Variants in PRR16 observed in about 807,000 individuals in gnomAD.
PRR16 encodes proline rich 16.
PRR16 carries 6 observed loss-of-function variants against 18.2 expected under a neutral mutation model. That is an observed-to-expected ratio of 0.33 (90% CI 0.18 to 0.65). PRR16 has a LOEUF of 0.65. PRR16 is among the 30% of genes least tolerant of loss of function. PRR16 has a pLI of 0.74. For synonymous variants in PRR16, 151 were observed against 147.8 expected (o/e 1.02, Z -0.16); for missense variants, 412 against 376.6 (o/e 1.09, Z -0.78).
chr5:120,608,940 A>G (rs1309007866), intron 1 of PRR16, among the ~76,000 whole-genome samples: 1 of 152,172 alleles, frequency 6.6e-6, no homozygotes, highest in Non-Finnish European at 1.5e-5. Flanking sequence ...AGGTGTCCCA[A>G]AGAGGGTTTC....
chr5:120,600,844 T>G (rs1753958339), intron 1 of PRR16, among the ~76,000 whole-genome samples: 1 of 151,926 alleles, frequency 6.6e-6, no homozygotes, highest in Admixed American at 6.6e-5. Context: ...TCTGTTCCTG[T>G]GTTAATTTGC....
intron 1 of PRR16, among the ~76,000 whole-genome samples, chr5:120,685,076 A>T (rs1305571028): frequency 6.6e-6 from 1 of 152,124 alleles, no homozygotes; most frequent in South Asian, 2.1e-4. Flanking sequence ...TTTTGCTTCT[A>T]CCCTCTCTCA....
chr5:120,535,272 G>A (rs1255633375), intron 1 of PRR16, among the ~76,000 whole-genome samples: 1 of 152,116 alleles, frequency 6.6e-6, no homozygotes, highest in Non-Finnish European at 1.5e-5. Flanking sequence ...AAGGTTTTTA[G>A]TCACAAAGAA....
Position 120,477,833 on chromosome 5 carries a change from C to T in PRR16, c.159+13188C>T, listed in dbSNP as rs1156269137. ...TAGTCGGCTGTTACAGGAACAAAGG[C>T]GCTATGTACATTTTCACGCCTATAT... On this transcript the variant is annotated intron_variant, in intron 1 of 1. Transcript: ENST00000407149. Among the ~76,000 whole-genome samples the T allele has an allele frequency of 5.3e-5, 8 of 152,102 alleles. No homozygotes were observed. The East Asian group carries it at 1.4e-3, about 26-fold the overall frequency.
the PRR16 span, among the ~76,000 whole-genome samples, chr5:120,788,260 CA>C: frequency 6.6e-6 from 1 of 151,912 alleles, no homozygotes; most frequent in Non-Finnish European, 1.5e-5. Flanking sequence ...GAGTAGTACA[CA>C]GTAGGTGATG....
intron 1 of PRR16, among the ~76,000 whole-genome samples, chr5:120,614,913 G>A (rs190004575): frequency 4.1e-4 from 63 of 152,208 alleles, no homozygotes; most frequent in African/African-American, 1.4e-3. Flanking sequence ...TGTATTGCCC[G>A]GAGAATATCT....
chr5:120,735,027 T>G, the PRR16 span, among the ~76,000 whole-genome samples: 1 of 152,198 alleles, frequency 6.6e-6, no homozygotes, highest in Non-Finnish European at 1.5e-5. Flanking sequence ...CATTTCATCA[T>G]TACCCTAGCT....
chr5:120,535,579 C>T (rs892690569), intron 1 of PRR16, among the ~76,000 whole-genome samples: 1 of 149,212 alleles, frequency 6.7e-6, no homozygotes, highest in Non-Finnish European at 1.5e-5. Flanking sequence ...GCGGGAGGAT[C>T]GCTTGAGCTC....
intron 1 of PRR16, among the ~76,000 whole-genome samples, chr5:120,502,952 A>C (rs1750514216): frequency 6.6e-6 from 1 of 152,184 alleles, no homozygotes; most frequent in Non-Finnish European, 1.5e-5. Flanking sequence ...ATAGCTCAGC[A>C]AACCTAGGAC....
At chr5:120,776,038 C>T in the PRR16 span, among the ~76,000 whole-genome samples, 1 of 152,176 alleles carries the variant, frequency 6.6e-6, no homozygotes, top group South Asian at 2.1e-4. Context: ...CTAACTACAG[C>T]AGGGCAGTCA....
At chr5:120,759,704 G>A in the PRR16 span, among the ~76,000 whole-genome samples, 1 of 152,128 alleles carries the variant, frequency 6.6e-6, no homozygotes, top group Admixed American at 6.6e-5. Context: ...AAGTTTTGGA[G>A]ATCACAAAGG....
At chr5:120,596,435 A>C (rs1243282298) in intron 1 of PRR16, among the ~76,000 whole-genome samples, 1 of 151,012 alleles carries the variant, frequency 6.6e-6, no homozygotes, top group Non-Finnish European at 1.5e-5. Context: ...TACCATTGAA[A>C]CTTCTATGTA....
intron 1 of PRR16, among the ~76,000 whole-genome samples, chr5:120,561,538 C>T (rs1358695831): frequency 6.6e-6 from 1 of 152,170 alleles, no homozygotes; most frequent in East Asian, 1.9e-4. Context: ...CCCTAACATA[C>T]AGTCTGTTCT....
At chr5:120,552,540 T>G (rs1049578330) in intron 1 of PRR16, among the ~76,000 whole-genome samples, 14 of 152,100 alleles carry the variant, frequency 9.2e-5, no homozygotes, top group Admixed American at 9.2e-4. Context: ...TCTGATTATA[T>G]ATAGATTATT....
At position 120,486,095 on chromosome 5, in the gene PRR16, T is replaced by C. The variant is rs112957280; in HGVS notation, c.159+21450T>C. The stretch of plus-strand genomic sequence containing the variant: ...TCCAAGTCTTTGCTATTGTGAATAA[T>C]GCCACAATAAACATACATGTGCATG... On this transcript the variant is annotated intron_variant, in intron 1 of 1. Transcript: ENST00000407149. Among the ~76,000 whole-genome samples the C allele has an allele frequency of 2.3e-3, 343 of 152,284 alleles. 1 individual carries two copies. The highest frequency in any genetic ancestry group is 7.7e-3 in the African/African-American group (319 of 41,562).
Position 120,685,943 on chromosome 5 carries a change from C to A in PRR16, c.160-11C>A, listed in dbSNP as rs751157885. 10 of 1,605,874 alleles carry A rather than the reference C, an allele frequency of 6.2e-6. No individual in the cohort carries two copies. The highest frequency in any genetic ancestry group is 1.7e-4 in the Middle Eastern group (1 of 5,992). ...CATTCTTCAAAACAATTACCTTGTC[C>A]TTTCCACTAGGTGGTTGACCAGATT... On this transcript the variant is annotated splice_polypyrimidine_tract_variant and intron_variant, in intron 1 of 1. Transcript: ENST00000407149.
intron 1 of PRR16, among the ~76,000 whole-genome samples, chr5:120,553,706 G>A (rs1261482394): frequency 1.3e-5 from 2 of 151,684 alleles, no homozygotes; most frequent in East Asian, 1.9e-4. Context: ...CTTTCATTCC[G>A]CAATTCTGAT....
At chr5:120,779,344 T>C in the PRR16 span, among the ~76,000 whole-genome samples, 1 of 152,290 alleles carries the variant, frequency 6.6e-6, no homozygotes, top group East Asian at 1.9e-4. Context: ...ATCATTATCA[T>C]GAATAAAATC....
intron 1 of PRR16, among the ~76,000 whole-genome samples, chr5:120,655,738 T>C (rs147240231): frequency 3.4e-5 from 1 of 29,346 alleles, no homozygotes; most frequent in African/African-American, 1.5e-4. Flanking sequence ...TTTTTTTTTG[T>C]TTTTTTTTTT....
Sources: gnomAD v4.1 joint callset for allele counts (sites outside exome capture counted in the v4.1 genomes callset) on GRCh38, gnomAD v4.1.1 for gene constraint, MANE v1.5 for transcripts, NCBI Gene and HGNC (gene_info 2026-07-23, HGNC 2026-07-21) for gene names.